ERMN: variants seen among roughly 807,000 people sequenced by gnomAD.
The protein encoded by ERMN is ermin.
ERMN carries 17 observed loss-of-function variants against 21.4 expected under a neutral mutation model. That is an observed-to-expected ratio of 0.80 (90% CI 0.54 to 1.19). The LOEUF (loss-of-function observed/expected upper bound fraction) is 1.19. Among genes scored for constraint, ERMN ranks in the 50% most tolerant of loss-of-function variants. The pLI is 0.00. For missense variants in ERMN, 348 were observed against 331.6 expected (o/e 1.05, Z -0.38); for synonymous variants, 115 against 111.9 (o/e 1.03, Z -0.17).
At chr2:157,327,602 T>C (rs1684098322), upstream of ERMN, 5 of 683,638 alleles carry the variant, frequency 7.3e-6, no homozygotes, top group Middle Eastern at 2.4e-4. Flanking sequence ...TGATGAGAGT[T>C]TGCAGCACAG....
At chr2:157,322,863 C>A (rs1161077909) in intron 2 of ERMN, among the ~76,000 whole-genome samples, 1 of 152,078 alleles carries the variant, frequency 6.6e-6, no homozygotes, top group Non-Finnish European at 1.5e-5. Flanking sequence ...TAATCTTATG[C>A]TTTGTTTTAT....
In ERMN at chr2:157,321,498, G is replaced by A; in HGVS notation, c.628C>T (p.His210Tyr). ...TCTTTAAATTGAGAAACCTCTTCAT[G>A]TTTTTTCTTAAATTCTATCACTCGA... ...EVRVIEFKKK[H>Y]EEVSQFKEEG... The change falls in exon 3 of 3, where the codon CAT becomes TAT. Residue 210 changes from histidine to tyrosine, a missense_variant. Physicochemically the swap from His to Tyr is moderately conservative, Grantham distance 83. Coordinates refer to ENST00000410096, the MANE Select transcript of ERMN (RefSeq NM_020711.3). 2 of 1,613,984 alleles carry A rather than the reference G, an allele frequency of 1.2e-6. No individual in the cohort carries two copies. Among genetic ancestry groups the A allele is most frequent in the Non-Finnish European group, 1.7e-6 (2 of 1,179,970 alleles).
intron 1 of ERMN, chr2:157,325,052 T>C (rs1479871165): frequency 5.0e-6 from 2 of 399,132 alleles, no homozygotes; most frequent in Non-Finnish European, 4.8e-6. Context: ...TTTAACATTT[T>C]GAATTCTCTT....
chr2:157,325,488 G>T lies in ERMN; in HGVS notation c.155C>A (p.Ala52Glu), dbSNP rs767436634. The T allele has an allele frequency of 1.9e-6, 3 of 1,614,022 alleles. No homozygotes were observed. The highest frequency in any genetic ancestry group is 2.5e-6 in the Non-Finnish European group (3 of 1,180,020). ...TTCCTCCTGACTTCCTTTGGTGAGT[G>T]CACCTTCCAGACTGGGTTCTACCCT... ...HYRVEPSLEG[A>E]LTKGSQEERR... The change falls in exon 1 of 3, where the codon GCA becomes GAA. Residue 52 changes from alanine (A) to glutamate (E), a missense_variant. Coordinates refer to ENST00000410096, the MANE Select transcript of ERMN (RefSeq NM_020711.3).
Position 157,320,129 on chromosome 2 carries a change from TCTC to T in ERMN, c.*1139_*1141del, listed in dbSNP as rs1406365405. On this transcript the variant is annotated 3_prime_UTR_variant, in exon 3 of 3. Transcript: ENST00000410096. ...ACTATCTAAGAATATAAATATAGTC[TCTC>T]TTTTCATAAATATTCAATACGTTAT... 1 of 152,452 alleles carries T rather than the reference TCTC, an allele frequency of 6.6e-6. No homozygotes were observed. Among genetic ancestry groups the T allele is most frequent in the Non-Finnish European group, 1.5e-5 (1 of 68,010 alleles). 9.4% of individuals were successfully genotyped at this position (152,452 alleles called of 1,614,324 possible).
upstream of ERMN, chr2:157,325,891 C>T (rs964809366): frequency 2.2e-6 from 3 of 1,390,696 alleles, no homozygotes; most frequent in Non-Finnish European, 1.9e-6. Flanking sequence ...CCAATCACCA[C>T]CTTCTTTGTT....
Position 157,318,963 on chromosome 2 carries a change from T to C in ERMN, c.*2308A>G, listed in dbSNP as rs1209570649. ...TACCAGTTTGTGTTCTTAATCATGTTCCCCCTGAGTTTCAAATATGTTAAA... is the reference window on the plus strand; with the variant it reads ...TACCAGTTTGTGTTCTTAATCATGTCCCCCCTGAGTTTCAAATATGTTAAA... On this transcript the variant is annotated 3_prime_UTR_variant, in exon 3 of 3. Coordinates refer to ENST00000410096, the MANE Select transcript of ERMN (RefSeq NM_020711.3). 2 of 152,090 alleles carry C rather than the reference T, an allele frequency of 1.3e-5. No individual in the cohort carries two copies. Among genetic ancestry groups the C allele is most frequent in the African/African-American group, 2.4e-5 (1 of 41,420 alleles). The allele number at this position is 152,090 out of a possible 1,614,324, so 9.4% of individuals were successfully genotyped here. A position where few individuals can be genotyped will look rare whatever the true frequency, so the allele number is the denominator to read the frequency against.
chr2:157,327,367 A>C, upstream of ERMN: 1 of 726,560 alleles, frequency 1.4e-6, no homozygotes, highest in East Asian at 2.5e-5. Context: ...TCAGCACTCT[A>C]ATTCTATGTT....
chr2:157,323,146 T>A (rs1402314674), intron 2 of ERMN, among the ~76,000 whole-genome samples: 1 of 152,166 alleles, frequency 6.6e-6, no homozygotes, highest in East Asian at 1.9e-4. Flanking sequence ...AGGGAAAACT[T>A]AACCAGCGAG....
Position 157,325,561 on chromosome 2 carries a change from T to C in ERMN, c.82A>G (p.Lys28Glu). 1 of 1,614,172 alleles carries C rather than the reference T, an allele frequency of 6.2e-7. No individual in the cohort carries two copies. Among genetic ancestry groups the C allele is most frequent in the Non-Finnish European group, 8.5e-7 (1 of 1,180,026 alleles). ...ACATCAGTCAATTCCTCACTGATTT[T>C]AGTGATTGTTTGTTGACCGTTTTCA... is the stretch of plus-strand genomic sequence containing the variant. ...PPENGQQTIT[K>E]ISEELTDVDS... The change falls in exon 1 of 3, where the codon AAA becomes GAA. Residue 28 changes from lysine (K) to glutamate (E), a missense_variant. Lys to Glu is a moderately conservative substitution (Grantham distance 56). Transcript: ENST00000410096.
chr2:157,325,438 G>T lies in ERMN; in HGVS notation c.205C>A (p.Leu69Met). The change falls in exon 1 of 3, where the codon CTG becomes ATG. Residue 69 changes from leucine (L) to methionine (M), a missense_variant. Coordinates refer to ENST00000410096, the MANE Select transcript of ERMN (RefSeq NM_020711.3). ...EERRKLQGNM[L>M]LNSSMEDKML... ...TTGTCCTCCATGGATGAGTTGAGCA[G>T]CATGTTCCCTTGTAATTTTCTTCTT... 1 of 1,614,124 alleles carries T rather than the reference G, an allele frequency of 6.2e-7. No homozygotes were observed. The highest frequency in any genetic ancestry group is 8.5e-7 in the Non-Finnish European group (1 of 1,179,992).
chr2:157,319,512 C>T lies in ERMN; in HGVS notation c.*1759G>A, dbSNP rs1476683469. ...ACAATACTGTGTTTTGAAGTTAAGT[C>T]GAAAATTGTAGGGGTTATCAGTAAC... On this transcript the variant is annotated 3_prime_UTR_variant, in exon 3 of 3. Coordinates refer to ENST00000410096, the MANE Select transcript of ERMN (RefSeq NM_020711.3). 2 of 151,928 alleles carry T rather than the reference C, an allele frequency of 1.3e-5. No individual in the cohort carries two copies. The highest frequency in any genetic ancestry group is 2.4e-5 in the African/African-American group (1 of 41,360). The allele number at this position is 151,928 out of a possible 1,614,324, so 9.4% of individuals were successfully genotyped here.
Position 157,320,999 on chromosome 2 carries a change from G to C in ERMN, c.*272C>G. The C allele has an allele frequency of 2.8e-6, 1 of 355,350 alleles. No individual in the cohort carries two copies. Among genetic ancestry groups the C allele is most frequent in the Non-Finnish European group, 5.1e-6 (1 of 197,934 alleles). The allele number at this position is 355,350 out of a possible 1,614,324, so 22.0% of individuals were successfully genotyped here. The stretch of plus-strand genomic sequence containing the variant: ...GCCGAATTATGCCAGATTCCCCCAG[G>C]GGACTGACTGCTTAGTGCTTATCAC... On this transcript the variant is annotated 3_prime_UTR_variant, in exon 3 of 3. Coordinates refer to ENST00000410096, the MANE Select transcript of ERMN (RefSeq NM_020711.3).
At chr2:157,321,818 G>A (rs1256543323) in intron 2 of ERMN, 27 bp from the exon 3 acceptor site, 1 of 1,543,396 alleles carries the variant, frequency 6.5e-7, no homozygotes, top group Non-Finnish European at 8.7e-7. Flanking sequence ...TGGTAGATGA[G>A]ATGTGTAGAG....
chr2:157,325,490 A>G lies in ERMN; in HGVS notation c.153T>C (p.Gly51=), dbSNP rs1684043537. The G allele has an allele frequency of 1.2e-6, 2 of 1,614,086 alleles. No individual in the cohort carries two copies. The highest frequency in any genetic ancestry group is 1.1e-5 in the South Asian group (1 of 91,074). Residue 51 remains glycine, a synonymous_variant, in exon 1 of 3, where the codon GGT becomes GGC. Coordinates refer to ENST00000410096, the MANE Select transcript of ERMN (RefSeq NM_020711.3). The stretch of plus-strand genomic sequence containing the variant: ...CCTCCTGACTTCCTTTGGTGAGTGC[A>G]CCTTCCAGACTGGGTTCTACCCTGT... ...PHYRVEPSLE[G]ALTKGSQEER...
chr2:157,327,703 A>G (rs907978141), upstream of ERMN: 74 of 528,414 alleles, frequency 1.4e-4, no homozygotes, highest in East Asian at 2.2e-3. Flanking sequence ...TTGGCAGTAG[A>G]GACAGTTGTG....
At position 157,325,621 on chromosome 2, in the gene ERMN, A is replaced by G; in HGVS notation, c.22T>C (p.Phe8Leu). 1 of 1,614,158 alleles carries G rather than the reference A, an allele frequency of 6.2e-7. No homozygotes were observed. The highest frequency in any genetic ancestry group is 8.5e-7 in the Non-Finnish European group (1 of 1,180,006). The change falls in exon 1 of 3, where the codon TTT becomes CTT. Residue 8 changes from phenylalanine to leucine, a missense_variant. Physicochemically the swap from Phe to Leu is conservative, Grantham distance 22 (BLOSUM62 0). Coordinates refer to ENST00000410096, the MANE Select transcript of ERMN (RefSeq NM_020711.3). ...TCCCCATTACACTCAGCCTGGGTAA[A>G]TGTAGCCGGAACATCTGTCATGATG... MTDVPATFTQAECNGDKP... is the reference protein window; with the variant it reads MTDVPATLTQAECNGDKP...
Position 157,321,194 on chromosome 2 carries a change from C to T in ERMN, c.*77G>A, listed in dbSNP as rs1574045739. 1.3e-6 allele frequency: 2 copies of T among 1,522,690 alleles called. No individual in the cohort carries two copies. The highest frequency in any genetic ancestry group is 2.3e-5 in the East Asian group (1 of 44,212). 94.3% of individuals were successfully genotyped at this position (1,522,690 alleles called of 1,614,324 possible). The stretch of plus-strand genomic sequence containing the variant: ...CCTCCAAGTGATAACTCAAATAAGG[C>T]ATAGAAATATGCACCCTGGGGCAAT... On this transcript the variant is annotated 3_prime_UTR_variant, in exon 3 of 3. Transcript: ENST00000410096.
upstream of ERMN, chr2:157,327,625 G>A (rs944265463): frequency 3.0e-5 from 19 of 632,584 alleles, 1 homozygote; most frequent in African/African-American, 1.8e-4. Flanking sequence ...GAAGCTAAGC[G>A]CCATCCCTGG....
Sources: gnomAD v4.1 joint callset for allele counts (sites outside exome capture counted in the v4.1 genomes callset) on GRCh38, gnomAD v4.1.1 for gene constraint, MANE v1.5 for transcripts, NCBI Gene and HGNC (gene_info 2026-07-23, HGNC 2026-07-21) for gene names.